The following CENPE variants were observed in gnomAD, a reference collection of about 807,000 sequenced individuals.
CENPE encodes the protein centromere protein E.
In CENPE, 145 loss-of-function variants were observed where a neutral mutation model predicts 336.1. That is an observed-to-expected ratio of 0.43 (90% confidence interval 0.38 to 0.50). CENPE has a LOEUF of 0.50. Ranked by LOEUF, CENPE falls within the 20% of genes least tolerant of loss-of-function variation. CENPE has a pLI of 0.00. For missense variants in CENPE, 2,719 were observed against 3,023.3 expected (o/e 0.90, Z 2.36); for synonymous variants, 1,013 against 984.8 (o/e 1.03, Z -0.54).
rs1474356685 is a variant in CENPE, at chr4:103,144,564, C to G, written c.4912G>C (p.Glu1638Gln). The G allele has an allele frequency of 6.2e-7, 1 of 1,612,918 alleles. No homozygotes were observed. The highest frequency in any genetic ancestry group is 8.5e-7 in the Non-Finnish European group (1 of 1,179,190). The part of the protein sequence containing the change: ...YQFLKMTAVN[E>Q]TQEKMCEIEH... Reference sequence around the variant, plus strand: ...ATTTCACACATTTTCTCCTGAGTCTCATTGACAGCTGTCATCTTAAGAAAC... The same window carrying G: ...ATTTCACACATTTTCTCCTGAGTCTGATTGACAGCTGTCATCTTAAGAAAC... Residue 1638 changes from glutamate to glutamine, a missense_variant, in exon 33 of 49, where the codon GAG becomes CAG. Physicochemically the swap from Glu to Gln is conservative, Grantham distance 29. Transcript: ENST00000265148.
In CENPE at chr4:103,198,338, T is replaced by C; in HGVS notation, c.-19A>G. On this transcript the variant is annotated 5_prime_UTR_variant, in exon 1 of 49. Transcript: ENST00000265148. ...CCGCCATCCTATCAGGCTGAACTGGTCCCAGGAAAATGGCCAGGACCCTCC... is the reference window on the plus strand; with the variant it reads ...CCGCCATCCTATCAGGCTGAACTGGCCCCAGGAAAATGGCCAGGACCCTCC... 3 of 1,550,692 alleles carry C rather than the reference T, an allele frequency of 1.9e-6. No homozygotes were observed. Among genetic ancestry groups the C allele is most frequent in the Non-Finnish European group, 2.6e-6 (3 of 1,146,714 alleles).
intron 45 of CENPE, 97 bp from the exon 46 acceptor site, chr4:103,114,649 T>C (rs1749918745): frequency 1.4e-6 from 1 of 726,558 alleles, no homozygotes; most frequent in Non-Finnish European, 2.4e-6. Context: ...ACACATCACA[T>C]TGACATAATG....
chr4:103,144,185 C>T (rs1752810624), intron 33 of CENPE, 146 bp downstream of exon 33: 1 of 590,736 alleles, frequency 1.7e-6, no homozygotes, highest in Admixed American at 3.4e-5. Flanking sequence ...ATCTGCCCGC[C>T]CTGGCCTCCC....
chr4:103,110,956 A>C lies in CENPE; in HGVS notation c.7596T>G (p.Gly2532=). The C allele has an allele frequency of 6.2e-7, 1 of 1,612,182 alleles. No homozygotes were observed. The highest frequency in any genetic ancestry group is 1.1e-5 in the South Asian group (1 of 90,772). The change falls in exon 47 of 49, where the codon GGT becomes GGG. Residue 2532 remains glycine (G), a synonymous_variant. Coordinates refer to ENST00000265148, the MANE Select transcript of CENPE (RefSeq NM_001813.3). ...QPSNKPLTCG[G]GSGIVQNTKA... Reference sequence around the variant, plus strand: ...TTGTGTTTTGTACAATGCCGCTGCCACCTCCACAAGTTAAGGGTTTATTTG... The same window carrying C: ...TTGTGTTTTGTACAATGCCGCTGCCCCCTCCACAAGTTAAGGGTTTATTTG...
intron 42 of CENPE, among the ~76,000 whole-genome samples, chr4:103,129,358 C>T (rs910272436): frequency 1.3e-5 from 2 of 152,142 alleles, no homozygotes. Flanking sequence ...GAAACGGAAA[C>T]TCATTCTATG....
rs200244246 is a variant in CENPE, at chr4:103,145,039, T to C, written c.4857+11A>G. ...GTATCCAAAAAAAAAAAAAATAAGA[T>C]GGGAACTTACTTTAGCTACAATTTC... On this transcript the variant is annotated intron_variant, in intron 32 of 48. Transcript: ENST00000265148. The C allele has an allele frequency of 4.5e-3, 6,663 of 1,481,524 alleles. 26 individuals are homozygous for C. Among genetic ancestry groups the C allele is most frequent in the Non-Finnish European group, 5.6e-3 (6,268 of 1,118,450 alleles). 91.8% of individuals were successfully genotyped at this position (1,481,524 alleles called of 1,614,324 possible).
In CENPE at chr4:103,133,713, A is replaced by C; in HGVS notation, c.6702T>G (p.Asn2234Lys). 1 of 1,601,324 alleles carries C rather than the reference A, an allele frequency of 6.2e-7. No individual in the cohort carries two copies. Among genetic ancestry groups the C allele is most frequent in the Non-Finnish European group, 8.5e-7 (1 of 1,172,122 alleles). Reference sequence around the variant, plus strand: ...ATTATACCTCAATATGTAGATCCATATTCTGGTTCAATTTGAGATCCCTTA... The same window carrying C: ...ATTATACCTCAATATGTAGATCCATCTTCTGGTTCAATTTGAGATCCCTTA... ...RELRDLKLNQ[N>K]MDLHIEEILK... Residue 2234 changes from asparagine (N) to lysine (K), a missense_variant, in exon 41 of 49, where the codon AAT (asparagine) becomes AAG (lysine). Asn to Lys is a moderately conservative substitution (Grantham distance 94). Around this residue, in one of 5 missense-constraint regions of CENPE, gnomAD observed 2,437 missense variants for 2,513.3 expected, o/e 0.97. Transcript: ENST00000265148.
intron 16 of CENPE, among the ~76,000 whole-genome samples, chr4:103,165,613 T>C (rs1754837992): frequency 6.6e-6 from 1 of 152,174 alleles, no homozygotes; most frequent in African/African-American, 2.4e-5. Context: ...TAACATGGAC[T>C]AGATACTGCA....
intron 42 of CENPE, among the ~76,000 whole-genome samples, chr4:103,130,910 C>CAAAAAAAAAAAAAAAAAAAAAAA (rs1553926179): frequency 1.1e-5 from 1 of 94,228 alleles, no homozygotes; most frequent in Non-Finnish European, 2.3e-5. Flanking sequence ...CTTCTACAAG[C>CAAAAAAAAAAAAAAAAAAAAAAA]GAAAAAAAAA....
chr4:103,115,823 C>G (rs777194728), intron 45 of CENPE, among the ~76,000 whole-genome samples: 1 of 150,706 alleles, frequency 6.6e-6, no homozygotes, highest in Non-Finnish European at 1.5e-5. Flanking sequence ...CTCCGCCTCC[C>G]GGGTTCACAC....
At chr4:103,155,486 AT>A (rs1464883541) in intron 24 of CENPE, among the ~76,000 whole-genome samples, 18 of 151,536 alleles carry the variant, frequency 1.2e-4, no homozygotes, top group African/African-American at 4.1e-4. Context: ...TAATTTTTGT[AT>A]TTTTTTGTAG....
chr4:103,109,167 TA>T, intron 47 of CENPE, 78 bp from the exon 48 acceptor site: 1 of 1,114,366 alleles, frequency 9.0e-7, no homozygotes, highest in Non-Finnish European at 1.2e-6. Flanking sequence ...ATTTAAAAAT[TA>T]AAAATAAATT....
In CENPE at chr4:103,196,215, C is replaced by G; in HGVS notation, c.186G>C (p.Val62=). Residue 62 remains valine (V), a synonymous_variant, in exon 3 of 49, where the codon GTG becomes GTC. Transcript: ENST00000265148. ...VFHGNETTKN[V]YEEIAAPIID... ...TGATTGGTGCTGCTATTTCTTCATACACATTTTTGGTAGTTTCATTACCAT... is the reference window on the plus strand; with the variant it reads ...TGATTGGTGCTGCTATTTCTTCATAGACATTTTTGGTAGTTTCATTACCAT... The G allele has an allele frequency of 6.2e-7, 1 of 1,613,664 alleles. No homozygotes were observed. The highest frequency in any genetic ancestry group is 8.5e-7 in the Non-Finnish European group (1 of 1,179,778).
intron 35 of CENPE, 82 bp from the exon 36 acceptor site, chr4:103,141,186 G>T: frequency 1.3e-6 from 1 of 799,718 alleles, no homozygotes; most frequent in Non-Finnish European, 1.9e-6. Context: ...TAAGACAACT[G>T]TCTACCCATG....
At chr4:103,132,563 T>C (rs1367335906) in intron 42 of CENPE, 130 bp downstream of exon 42, 1 of 459,362 alleles carries the variant, frequency 2.2e-6, no homozygotes, top group African/African-American at 2.0e-5. Context: ...AAGAACACGT[T>C]TTATCAAATC....
At chr4:103,169,420 GA>G (rs2125993441) in intron 16 of CENPE, among the ~76,000 whole-genome samples, 2 of 152,274 alleles carry the variant, frequency 1.3e-5, no homozygotes, top group South Asian at 4.1e-4. Flanking sequence ...CCACATATAG[GA>G]AGGTCAAAGG....
At chr4:103,171,077 T>C (rs1410029899) in intron 16 of CENPE, among the ~76,000 whole-genome samples, 6 of 151,968 alleles carry the variant, frequency 3.9e-5, no homozygotes, top group Non-Finnish European at 5.9e-5. Context: ...ACAATAATAA[T>C]AGAGGATTTT....
intron 21 of CENPE, among the ~76,000 whole-genome samples, chr4:103,159,701 G>A (rs779179956): frequency 4.0e-5 from 6 of 151,432 alleles, no homozygotes; most frequent in Non-Finnish European, 7.4e-5. Flanking sequence ...TGCCTCTCAG[G>A]TTTCCAAAAA....
Position 103,183,101 on chromosome 4 carries a change from G to T in CENPE, c.833+100C>A, listed in dbSNP as rs1578676737. ...ATATGTATAAGTTTTTGAATATATG[G>T]AAGAAATCAGTACATTTGAGTGTCA... On this transcript the variant is annotated intron_variant, in intron 10 of 48. Coordinates refer to ENST00000265148, the MANE Select transcript of CENPE (RefSeq NM_001813.3). 4.3e-6 allele frequency: 4 copies of T among 940,358 alleles called. No individual in the cohort carries two copies. In the East Asian group the frequency reaches 7.7e-5, roughly 18 times the overall value. The allele number at this position is 940,358 out of a possible 1,614,324, so 58.3% of individuals were successfully genotyped here. A position where few individuals can be genotyped will look rare whatever the true frequency, so the allele number is the denominator to read the frequency against.
Sources: allele counts gnomAD v4.1 joint callset (sites outside exome capture counted in the v4.1 genomes callset), GRCh38; gene constraint gnomAD v4.1.1; regional missense constraint gnomAD v4.1.1; transcripts MANE v1.5; gene names NCBI Gene and HGNC (gene_info 2026-07-23, HGNC 2026-07-21).